The following SPATA16 variants were observed in gnomAD, a reference collection of about 807,000 sequenced individuals.
The protein encoded by SPATA16 is spermatogenesis associated 16, also known as spermatogenesis-associated protein 16.
SPATA16 carries 36 observed loss-of-function variants against 63.3 expected under a neutral mutation model. The ratio of observed to expected loss-of-function variants is 0.57; its 90% confidence interval spans 0.44 to 0.75. The LOEUF (loss-of-function observed/expected upper bound fraction) is 0.75. SPATA16 is among the 30% of genes least tolerant of loss of function. SPATA16 has a pLI of 0.00. For synonymous variants in SPATA16, 203 were observed against 216.7 expected (o/e 0.94, Z 0.56); for missense variants, 646 against 679.3 (o/e 0.95, Z 0.54).
chr3:172,963,397 CT>C (rs1440870280), intron 5 of SPATA16, among the ~76,000 whole-genome samples: 2 of 151,760 alleles, frequency 1.3e-5, no homozygotes, highest in East Asian at 1.9e-4. Flanking sequence ...TTTTATATAG[CT>C]TTTTTGAATT....
At chr3:173,087,337 G>A (rs1297402764) in intron 2 of SPATA16, among the ~76,000 whole-genome samples, 3 of 152,102 alleles carry the variant, frequency 2.0e-5, no homozygotes, top group Non-Finnish European at 4.4e-5. Flanking sequence ...TCAGAAACTA[G>A]GGTTGCAACC....
At chr3:173,130,100 A>C (rs12696338) in intron 1 of SPATA16, among the ~76,000 whole-genome samples, 50,712 of 152,044 alleles carry the variant, frequency 0.33, 8,948 homozygotes, top group African/African-American at 0.44. Flanking sequence ...CGGTGGCTCA[A>C]GCCTGTAATC....
intron 3 of SPATA16, among the ~76,000 whole-genome samples, chr3:173,041,023 G>A (rs1166258438): frequency 6.6e-6 from 1 of 152,058 alleles, no homozygotes; most frequent in East Asian, 1.9e-4. Flanking sequence ...TTTTTTTAGG[G>A]TTTCAAGAAT....
Position 173,116,423 on chromosome 3 carries a change from A to T in SPATA16, c.612+697T>A, listed in dbSNP as rs577053876. On this transcript the variant is annotated intron_variant, in intron 2 of 10. Coordinates refer to ENST00000351008, the MANE Select transcript of SPATA16 (RefSeq NM_031955.6). Reference sequence around the variant, plus strand: ...CATACAGTTTGGTCCTTCTATAGGTACAGTATGTCATGAGCTAGTATAATT... The same window carrying T: ...CATACAGTTTGGTCCTTCTATAGGTTCAGTATGTCATGAGCTAGTATAATT... Among the ~76,000 whole-genome samples, 3 of 152,342 alleles carry T rather than the reference A, an allele frequency of 2.0e-5. No homozygotes were observed. In the East Asian group the frequency reaches 5.8e-4, roughly 29 times the overall value.
intron 5 of SPATA16, among the ~76,000 whole-genome samples, chr3:172,959,180 C>T (rs1002904013): frequency 6.6e-6 from 1 of 152,240 alleles, no homozygotes; most frequent in African/African-American, 2.4e-5. Context: ...GCTCTCTCCA[C>T]CCCATTTCTT....
chr3:172,952,288 G>A (rs953041155), intron 6 of SPATA16, among the ~76,000 whole-genome samples: 1 of 152,180 alleles, frequency 6.6e-6, no homozygotes, highest in Non-Finnish European at 1.5e-5. Flanking sequence ...TTGTTATGAT[G>A]TAGGACAGAA....
intron 4 of SPATA16, among the ~76,000 whole-genome samples, chr3:172,978,741 T>G (rs1734225844): frequency 6.6e-6 from 1 of 152,238 alleles, no homozygotes; most frequent in African/African-American, 2.4e-5. Flanking sequence ...AGTAACTATT[T>G]TAAGTTTTGT....
chr3:173,141,032 C>G (rs967833192), intron 1 of SPATA16, 71 bp downstream of exon 1: 8 of 152,402 alleles, frequency 5.2e-5, no homozygotes, highest in Admixed American at 5.2e-4. Context: ...AGGGTCATCT[C>G]CCTTCCTTCC....
At chr3:173,067,013 T>C (rs1474245896) in intron 2 of SPATA16, among the ~76,000 whole-genome samples, 3 of 138,506 alleles carry the variant, frequency 2.2e-5, no homozygotes, top group Non-Finnish European at 1.5e-5. Context: ...AAAATTCAAT[T>C]GACAAACTGA....
At chr3:172,936,327 A>G (rs754674321) in intron 6 of SPATA16, among the ~76,000 whole-genome samples, 13 of 152,228 alleles carry the variant, frequency 8.5e-5, no homozygotes, top group Non-Finnish European at 1.5e-4. Context: ...TGAAATCTCA[A>G]TAAAAGCTTC....
chr3:173,087,644 T>C (rs570464341), intron 2 of SPATA16, among the ~76,000 whole-genome samples: 4 of 152,304 alleles, frequency 2.6e-5, no homozygotes, highest in Admixed American at 2.6e-4. Flanking sequence ...TCATTGTGTT[T>C]TTGTAGTGGC....
At chr3:172,961,161 A>T (rs896163525) in intron 5 of SPATA16, among the ~76,000 whole-genome samples, 3 of 144,502 alleles carry the variant, frequency 2.1e-5, no homozygotes, top group Admixed American at 1.5e-4. Flanking sequence ...GGCAAATTGT[A>T]ACTTTTGAAC....
intron 2 of SPATA16, among the ~76,000 whole-genome samples, chr3:173,112,475 C>T (rs967791620): frequency 5.9e-5 from 9 of 152,182 alleles, no homozygotes; most frequent in African/African-American, 1.9e-4. Flanking sequence ...ACCAGATAAG[C>T]GGATCCCGAC....
At chr3:173,123,240 GT>G (rs1460301623) in intron 1 of SPATA16, among the ~76,000 whole-genome samples, 4 of 152,148 alleles carry the variant, frequency 2.6e-5, no homozygotes, top group Non-Finnish European at 5.9e-5. Context: ...TAATCCATTT[GT>G]TTCTGACAAC....
At chr3:172,997,576 A>G (rs1734720875) in intron 4 of SPATA16, among the ~76,000 whole-genome samples, 1 of 151,880 alleles carries the variant, frequency 6.6e-6, no homozygotes, top group Non-Finnish European at 1.5e-5. Flanking sequence ...TTTTCTTGAC[A>G]GTGTATTTTG....
At chr3:173,089,940 T>C (rs918726747) in intron 2 of SPATA16, among the ~76,000 whole-genome samples, 2 of 152,160 alleles carry the variant, frequency 1.3e-5, no homozygotes, top group African/African-American at 4.8e-5. Context: ...ACACTTCTTG[T>C]TTTTCAACTG....
chr3:173,022,018 G>A (rs1428615958), intron 3 of SPATA16, among the ~76,000 whole-genome samples: 2 of 148,448 alleles, frequency 1.3e-5, no homozygotes, highest in African/African-American at 4.9e-5. Flanking sequence ...GGTGTGCTGG[G>A]AAGGAGGGGT....
chr3:173,103,808 C>A (rs1459526358), intron 2 of SPATA16, among the ~76,000 whole-genome samples: 1 of 152,250 alleles, frequency 6.6e-6, no homozygotes, highest in Non-Finnish European at 1.5e-5. Flanking sequence ...GGTTGCTCTG[C>A]AGCCTGCTTG....
intron 5 of SPATA16, among the ~76,000 whole-genome samples, chr3:172,960,231 A>G (rs1466821314): frequency 6.6e-6 from 1 of 152,222 alleles, no homozygotes; most frequent in African/African-American, 2.4e-5. Flanking sequence ...ATACTTCTTA[A>G]TTTGACATAA....
Sources: allele counts gnomAD v4.1 joint callset (sites outside exome capture counted in the v4.1 genomes callset), GRCh38; gene constraint gnomAD v4.1.1; transcripts MANE v1.5; gene names NCBI Gene and HGNC (gene_info 2026-07-23, HGNC 2026-07-21).